SREBF2: variants seen among roughly 807,000 people sequenced by gnomAD.
SREBF2 encodes sterol regulatory element binding transcription factor 2.
Under a neutral mutation model 113.1 loss-of-function variants are expected in SREBF2, and 55 were observed. The ratio of observed to expected loss-of-function variants is 0.49; its 90% CI spans 0.39 to 0.61. The LOEUF is 0.61. SREBF2 is among the 20% of genes least tolerant of loss of function. The probability of loss-of-function intolerance (pLI) is 0.00; values close to 1 mark genes in which losing one functional copy is unlikely to be tolerated. For missense variants in SREBF2, 1,349 were observed against 1,487.4 expected, an observed-to-expected ratio of 0.91 and a Z score of 1.53; for synonymous variants, 593 against 605.7, an observed-to-expected ratio of 0.98 and a Z score of 0.31.
intron 11 of SREBF2, chr22:41,885,669 TG>T: frequency 1.9e-5 from 3 of 160,354 alleles, no homozygotes; most frequent in South Asian, 1.8e-4. Flanking sequence ...GCTCACAACA[TG>T]CTGACCTCAG....
chr22:41,904,699 CAG>C (rs2146564776), intron 17 of SREBF2, 162 bp from the exon 18 acceptor site: 1 of 721,526 alleles, frequency 1.4e-6, no homozygotes, highest in African/African-American at 1.7e-5. Flanking sequence ...GGCTCAGGGT[CAG>C]AGTACGGGAC....
Position 41,895,528 on chromosome 22 carries a change from C to A in SREBF2, c.2495+591C>A, listed in dbSNP as rs1168074128. 2.0e-5 allele frequency among the ~76,000 whole-genome samples: 3 copies of A among 147,988 alleles called. No individual in the cohort carries two copies. The East Asian group carries it at 6.1e-4, about 30-fold the overall frequency. Reference sequence around the variant, plus strand: ...TCAGCTCACTGCAACCTCTGCCTCCCGGGTTCAAGTGATTCTTCTGCCTTA... The same window carrying A: ...TCAGCTCACTGCAACCTCTGCCTCCAGGGTTCAAGTGATTCTTCTGCCTTA... On this transcript the variant is annotated intron_variant, in intron 13 of 18. Coordinates refer to ENST00000361204, the MANE Select transcript of SREBF2 (RefSeq NM_004599.4).
chr22:41,854,400 G>T (rs1198490811), intron 1 of SREBF2, among the ~76,000 whole-genome samples: 1 of 151,146 alleles, frequency 6.6e-6, no homozygotes, highest in Non-Finnish European at 1.5e-5. Flanking sequence ...GACCTCAGGT[G>T]ATCCACCCGC....
At position 41,875,398 on chromosome 22, in the gene SREBF2, A is replaced by G; in HGVS notation, c.1151A>G (p.Asn384Ser). The G allele has an allele frequency of 6.2e-7, 1 of 1,614,208 alleles. No individual in the cohort carries two copies. Among genetic ancestry groups the G allele is most frequent in the Non-Finnish European group, 8.5e-7 (1 of 1,180,018 alleles). ...IDYIKYLQQVNHKLRQENMVL... is the reference protein window; with the variant it reads ...IDYIKYLQQVSHKLRQENMVL... ...TACATCAAATACTTGCAGCAGGTCAATCATAAACTGCGCCAGGAGAACATG... is the reference window on the plus strand; with the variant it reads ...TACATCAAATACTTGCAGCAGGTCAGTCATAAACTGCGCCAGGAGAACATG... Residue 384 changes from asparagine (N) to serine (S), a missense_variant, in exon 6 of 19, where the codon AAT (asparagine) becomes AGT (serine). This residue lies in a region of SREBF2 where 699 missense variants were observed against 843.3 expected (regional missense o/e 0.83). Coordinates refer to ENST00000361204, the MANE Select transcript of SREBF2 (RefSeq NM_004599.4).
Position 41,875,240 on chromosome 22 carries a change from A to G in SREBF2, c.1090-97A>G, listed in dbSNP as rs1282152030. On this transcript the variant is annotated intron_variant, in intron 5 of 18. Transcript: ENST00000361204. ...GCATCTGAACTTGGTTTCTCCTCTCACAGAGCCATGCTGTCATCCCAAGTG... is the reference window on the plus strand; with the variant it reads ...GCATCTGAACTTGGTTTCTCCTCTCGCAGAGCCATGCTGTCATCCCAAGTG... 3 of 1,022,270 alleles carry G rather than the reference A, an allele frequency of 2.9e-6. No individual in the cohort carries two copies. In the Admixed American group the frequency reaches 5.9e-5, roughly 20 times the overall value. 63.3% of individuals were successfully genotyped at this position (1,022,270 alleles called of 1,614,324 possible).
rs760363309 is a variant in SREBF2 at position 41,880,854 on chromosome 22, G to A, written c.1900G>A (p.Val634Met). 1 of 1,614,062 alleles carries A rather than the reference G, an allele frequency of 6.2e-7. No individual in the cohort carries two copies. Among genetic ancestry groups the A allele is most frequent in the Non-Finnish European group, 8.5e-7 (1 of 1,180,024 alleles). The stretch of plus-strand genomic sequence containing the variant: ...CTACAGCCTGCAGAAGCTACGCCTG[G>A]TGCGCTGGCTGCTCAAGAAAGTCTT... Reference protein sequence around the residue: ...IRYSLQKLRLVRWLLKKVFQC... With the variant: ...IRYSLQKLRLMRWLLKKVFQC... The change falls in exon 10 of 19, where the codon GTG (valine) becomes ATG (methionine). Residue 634 changes from valine to methionine, a missense_variant. Transcript: ENST00000361204.
At position 41,904,988 on chromosome 22, in the gene SREBF2, T is replaced by TC; in HGVS notation, c.3205+18dup. On this transcript the variant is annotated intron_variant, in intron 18 of 18. Coordinates refer to ENST00000361204, the MANE Select transcript of SREBF2 (RefSeq NM_004599.4). The stretch of plus-strand genomic sequence containing the variant: ...GCACCAAGCACGGTGAGTCCACCCC[T>TC]CCCCAGCTCACAGGCTGGGCCAGGC... 3 of 1,574,408 alleles carry TC rather than the reference T, an allele frequency of 1.9e-6. No homozygotes were observed. The highest frequency in any genetic ancestry group is 2.6e-6 in the Non-Finnish European group (3 of 1,165,338).
At chr22:41,901,019 G>A (rs1307381786) in intron 16 of SREBF2, 1 of 525,836 alleles carries the variant, frequency 1.9e-6, no homozygotes. Flanking sequence ...ACAGAGGCCT[G>A]CCTGGCCCTC....
chr22:41,871,755 G>C (rs891085273), intron 4 of SREBF2, among the ~76,000 whole-genome samples: 1 of 151,904 alleles, frequency 6.6e-6, no homozygotes, highest in Non-Finnish European at 1.5e-5. Context: ...AGCTGGGTAT[G>C]GTGGTGCATG....
intron 15 of SREBF2, 22 bp downstream of exon 15, chr22:41,898,803 C>G: frequency 6.2e-7 from 1 of 1,613,390 alleles, no homozygotes; most frequent in Non-Finnish European, 8.5e-7. Flanking sequence ...TCCTTGGCCA[C>G]TCACTTGCTT....
chr22:41,848,105 T>TTTA, intron 1 of SREBF2, among the ~76,000 whole-genome samples: 1 of 151,880 alleles, frequency 6.6e-6, no homozygotes, highest in Admixed American at 6.6e-5. Flanking sequence ...TTTTTATTTA[T>TTTA]TTATTATTAT....
Position 41,868,728 on chromosome 22 carries a change from C to G in SREBF2, c.656C>G (p.Thr219Arg), listed in dbSNP as rs201991869. 6.2e-7 allele frequency: 1 copy of G among 1,614,040 alleles called. No homozygotes were observed. The highest frequency in any genetic ancestry group is 1.3e-5 in the African/African-American group (1 of 74,928). Reference sequence around the variant, plus strand: ...GTGCTGACACAAACGGCCAATGGCACGCTGCAGACCCTTGCCCCGGCTACG... The same window carrying G: ...GTGCTGACACAAACGGCCAATGGCAGGCTGCAGACCCTTGCCCCGGCTACG... The part of the protein sequence containing the change: ...QRVLTQTANG[T>R]LQTLAPATVQ... The change falls in exon 3 of 19, where the codon ACG becomes AGG. Residue 219 changes from threonine to arginine, a missense_variant. By Grantham distance (71) the Thr-to-Arg change is moderately conservative (BLOSUM62 -1). Coordinates refer to ENST00000361204, the MANE Select transcript of SREBF2 (RefSeq NM_004599.4).
At position 41,903,012 on chromosome 22, in the gene SREBF2, A is replaced by G. The variant is rs566630903; in HGVS notation, c.2950A>G (p.Thr984Ala). ...LTCDLLLSLR[T>A]ALWQKQASAS... ...CTGTGACCTGCTACTGTCGCTACGG[A>G]CAGCGCTCTGGCAAAAACAGGCCAG... Residue 984 changes from threonine (T) to alanine (A), a missense_variant, in exon 17 of 19, where the codon ACA becomes GCA. Thr to Ala is a moderately conservative substitution (Grantham distance 58). Coordinates refer to ENST00000361204, the MANE Select transcript of SREBF2 (RefSeq NM_004599.4). 2.5e-6 allele frequency: 4 copies of G among 1,611,608 alleles called. No homozygotes were observed. The East Asian group carries it at 6.7e-5, about 27-fold the overall frequency.
At chr22:41,843,772 A>C (rs970452475) in intron 1 of SREBF2, among the ~76,000 whole-genome samples, 1 of 151,960 alleles carries the variant, frequency 6.6e-6, no homozygotes, top group East Asian at 1.9e-4. Context: ...AGATGAGAGG[A>C]TCCCTTGAGC....
rs1319056854 is a variant in SREBF2, at chr22:41,847,918, TTA to T, written c.88+14562_88+14563del. Among the ~76,000 whole-genome samples, 11 of 58,446 alleles carry T rather than the reference TTA, an allele frequency of 1.9e-4. No individual in the cohort carries two copies. In the Admixed American group the frequency reaches 2.3e-3, roughly 12 times the overall value. The allele number at this position is 58,446 out of a possible 152,430, so 38.3% of individuals were successfully genotyped here. On this transcript the variant is annotated intron_variant, in intron 1 of 18. Transcript: ENST00000361204. The stretch of plus-strand genomic sequence containing the variant: ...CTTTTATTTATTTTCATTATTATTA[TTA>T]TTTTTTTTTTTTTGAGACGGAGTCT...
chr22:41,851,847 G>T (rs1380656281), intron 1 of SREBF2, among the ~76,000 whole-genome samples: 1 of 151,574 alleles, frequency 6.6e-6, no homozygotes, highest in Admixed American at 6.6e-5. Context: ...GCGGCCGGGC[G>T]CGGTGGCTCA....
At chr22:41,883,465 C>T (rs773152600) in intron 10 of SREBF2, among the ~76,000 whole-genome samples, 9 of 152,196 alleles carry the variant, frequency 5.9e-5, no homozygotes, top group Non-Finnish European at 1.0e-4. Flanking sequence ...TTGTCTGTTC[C>T]TCAGTGTGCC....
At chr22:41,850,449 CAA>C (rs766008584) in intron 1 of SREBF2, among the ~76,000 whole-genome samples, 9 of 124,082 alleles carry the variant, frequency 7.3e-5, no homozygotes, top group Non-Finnish European at 6.8e-5. Flanking sequence ...GACTCCATCT[CAA>C]AAAAAAAAAA....
At chr22:41,874,253 C>G (rs2077172646) in intron 5 of SREBF2, among the ~76,000 whole-genome samples, 1 of 152,176 alleles carries the variant, frequency 6.6e-6, no homozygotes, top group Non-Finnish European at 1.5e-5. Flanking sequence ...ACTCCTTTGG[C>G]TATGCTCTGC....
Sources: allele counts gnomAD v4.1 joint callset (sites outside exome capture counted in the v4.1 genomes callset), GRCh38; gene constraint gnomAD v4.1.1; regional missense constraint gnomAD v4.1.1; transcripts MANE v1.5; gene names NCBI Gene and HGNC (gene_info 2026-07-23, HGNC 2026-07-21).